CRHBP: variants seen among roughly 807,000 people sequenced by gnomAD.
CRHBP encodes the protein corticotropin releasing hormone binding protein.
In CRHBP, 19 loss-of-function variants were observed where a neutral mutation model predicts 34.9. The ratio of observed to expected loss-of-function variants is 0.55; its 90% CI spans 0.38 to 0.80. The LOEUF (loss-of-function observed/expected upper bound fraction) is 0.80, where lower values mean the gene tolerates loss of function less well. Ranked by LOEUF, CRHBP falls within the 30% of genes least tolerant of loss-of-function variation. The pLI is 0.00. For synonymous variants in CRHBP, 154 were observed against 153.4 expected (o/e 1.00, Z -0.03); for missense variants, 328 against 409.2 (o/e 0.80, Z 1.71).
chr5:76,972,431 C>T (rs1162382624), downstream of CRHBP, among the ~76,000 whole-genome samples: 1 of 151,708 alleles, frequency 6.6e-6, no homozygotes, highest in Non-Finnish European at 1.5e-5. Flanking sequence ...ACCCGGGAGG[C>T]GGAGATTGCA....
intron 3 of CRHBP, among the ~76,000 whole-genome samples, chr5:76,979,063 A>T (rs1746080375): frequency 6.6e-6 from 1 of 152,202 alleles, no homozygotes; most frequent in African/African-American, 2.4e-5. Context: ...CATCAACATC[A>T]AACACTCACC....
downstream of CRHBP, among the ~76,000 whole-genome samples, chr5:76,973,563 C>A (rs1412307889): frequency 6.6e-6 from 1 of 152,224 alleles, no homozygotes; most frequent in Non-Finnish European, 1.5e-5. Context: ...TCTTCTCACA[C>A]TGAATTGCCC....
chr5:76,954,111 C>A lies in CRHBP; in HGVS notation c.258C>A (p.Ile86=). The part of the protein sequence containing the change: ...RPQLHCAAFF[I]SEPEEFITIH... ...AGCTGCACTGCGCAGCCTTCTTCAT[C>A]AGCGAGCCCGAGGAGTTCATTACCA... Residue 86 remains isoleucine (I), a synonymous_variant, in exon 3 of 7, where the codon ATC becomes ATA. Coordinates refer to ENST00000274368, the MANE Select transcript of CRHBP (RefSeq NM_001882.4). 2.5e-6 allele frequency: 4 copies of A among 1,614,100 alleles called. No homozygotes were observed. The highest frequency in any genetic ancestry group is 1.1e-5 in the South Asian group (1 of 91,088).
intron 4 of CRHBP, among the ~76,000 whole-genome samples, chr5:76,958,131 C>T (rs1169662586): frequency 6.6e-6 from 1 of 151,370 alleles, no homozygotes; most frequent in Non-Finnish European, 1.5e-5. Context: ...TGCATTCTAG[C>T]CAGGGTGACA....
At position 76,954,044 on chromosome 5, in the gene CRHBP, T is replaced by G; in HGVS notation, c.191T>G (p.Leu64Arg). ...CCTCCCCCAGGGTGCCTGGACATGC[T>G]GAGCCTCCAGGGCCAGTTCACCTTC... ...YRRALRCLDM[L>R]SLQGQFTFTA... The change falls in exon 3 of 7, where the codon CTG becomes CGG. Residue 64 changes from leucine to arginine, a missense_variant. This residue lies in a region of CRHBP where 173 missense variants were observed against 172.2 expected (regional missense o/e 1.00). Transcript: ENST00000274368. 3.7e-6 allele frequency: 6 copies of G among 1,613,516 alleles called. No homozygotes were observed. Among genetic ancestry groups the G allele is most frequent in the Non-Finnish European group, 4.2e-6 (5 of 1,179,762 alleles).
In CRHBP at chr5:76,953,162, C is replaced by A. The variant is rs1445274767; in HGVS notation, c.28C>A (p.His10Asn). 3 of 1,614,238 alleles carry A rather than the reference C, an allele frequency of 1.9e-6. No homozygotes were observed. In the African/African-American group the frequency reaches 4.0e-5, roughly 22 times the overall value. The part of the protein sequence containing the change: MSPNFKLQC[H>N]FILIFLTALR... ...GTCGCCCAACTTCAAACTTCAGTGT[C>A]ACTTCATTCTCATCTTCCTGACGGC... Residue 10 changes from histidine to asparagine, a missense_variant, in exon 1 of 7, where the codon CAC becomes AAC. His to Asn is a moderately conservative substitution (Grantham distance 68). Around this residue, in one of 3 missense-constraint regions of CRHBP, gnomAD observed 11 missense variants for 20.3 expected, o/e 0.54. Transcript: ENST00000274368.
intron 6 of CRHBP, among the ~76,000 whole-genome samples, chr5:76,966,263 C>T (rs1010976437): frequency 5.3e-5 from 8 of 152,202 alleles, no homozygotes; most frequent in Non-Finnish European, 1.0e-4. Flanking sequence ...GGTGATCTGC[C>T]CACCTCGGCC....
chr5:76,977,320 C>T (rs564581110), intron 3 of CRHBP, among the ~76,000 whole-genome samples: 3 of 152,226 alleles, frequency 2.0e-5, no homozygotes, highest in African/African-American at 7.2e-5. Flanking sequence ...TTGGGCTGTG[C>T]GGATATTATG....
rs1745899828 is a variant in CRHBP at position 76,968,757 on chromosome 5, G to A, written c.841G>A (p.Val281Met). The change falls in exon 7 of 7, where the codon GTG becomes ATG. Residue 281 changes from valine to methionine, a missense_variant. Val to Met is a conservative substitution (Grantham distance 21, BLOSUM62 1). Coordinates refer to ENST00000274368, the MANE Select transcript of CRHBP (RefSeq NM_001882.4). ...GATGAAAGTTGGCTGTGACAACACTGTGGTGCGCATGGTCTCCAGTGGAAA... is the reference window on the plus strand; with the variant it reads ...GATGAAAGTTGGCTGTGACAACACTATGGTGCGCATGGTCTCCAGTGGAAA... ...AQMKVGCDNT[V>M]VRMVSSGKHV... 1 of 1,613,754 alleles carries A rather than the reference G, an allele frequency of 6.2e-7. No homozygotes were observed. The highest frequency in any genetic ancestry group is 1.3e-5 in the African/African-American group (1 of 74,928).
chr5:76,961,234 G>T (rs1004961295), intron 5 of CRHBP, among the ~76,000 whole-genome samples: 3 of 152,214 alleles, frequency 2.0e-5, no homozygotes, highest in African/African-American at 7.2e-5. Context: ...AAAGAAGGGA[G>T]AAAAATCATT....
chr5:76,953,821 C>G, intron 2 of CRHBP, 127 bp downstream of exon 2: 1 of 1,213,894 alleles, frequency 8.2e-7, no homozygotes, highest in Non-Finnish European at 1.1e-6. Context: ...GCGCGGTCCC[C>G]TTAGCTAAGG....
chr5:76,973,081 T>G (rs1745973104), downstream of CRHBP, among the ~76,000 whole-genome samples: 1 of 152,214 alleles, frequency 6.6e-6, no homozygotes, highest in Non-Finnish European at 1.5e-5. Flanking sequence ...GCCTATTGAC[T>G]ATGCATATCC....
intron 3 of CRHBP, among the ~76,000 whole-genome samples, chr5:76,977,862 G>A (rs1746063144): frequency 6.6e-6 from 1 of 152,172 alleles, no homozygotes; most frequent in South Asian, 2.1e-4. Context: ...GCCAAGTTGT[G>A]AACGCCAAGG....
At chr5:76,964,696 A>G (rs1274603608) in intron 6 of CRHBP, among the ~76,000 whole-genome samples, 1 of 152,146 alleles carries the variant, frequency 6.6e-6, no homozygotes, top group Admixed American at 6.5e-5. Flanking sequence ...TCTACTAAAA[A>G]TATAAAAAAA....
rs79980486 is a variant in CRHBP, at chr5:76,977,866, G to A, written n.467+1346G>A. On this transcript the variant is annotated intron_variant and non_coding_transcript_variant, in intron 3 of 3. Transcript: ENST00000514258. ...CCAAACAGTTAGCCAAGTTGTGAACGCCAAGGAAAAGTTACTGAAGGAAAT... is the reference window on the plus strand; with the variant it reads ...CCAAACAGTTAGCCAAGTTGTGAACACCAAGGAAAAGTTACTGAAGGAAAT... 9.2e-5 allele frequency among the ~76,000 whole-genome samples: 14 copies of A among 152,274 alleles called. No homozygotes were observed. The East Asian group carries it at 2.3e-3, about 25-fold the overall frequency.
intron 6 of CRHBP, among the ~76,000 whole-genome samples, chr5:76,968,037 C>T (rs575236843): frequency 5.9e-5 from 9 of 151,992 alleles, no homozygotes; most frequent in African/African-American, 2.2e-4. Flanking sequence ...TATCAGAAGC[C>T]ATTTCATATA....
intron 4 of CRHBP, among the ~76,000 whole-genome samples, chr5:76,958,233 G>T (rs1745721592): frequency 6.6e-6 from 1 of 151,854 alleles, no homozygotes; most frequent in African/African-American, 2.4e-5. Flanking sequence ...TGCATCCTAG[G>T]CCCCCAGTTT....
intron 2 of CRHBP, among the ~76,000 whole-genome samples, chr5:76,975,543 C>G (rs1030533952): frequency 6.6e-6 from 1 of 151,834 alleles, no homozygotes; most frequent in East Asian, 1.9e-4. Context: ...TGGCTCATAC[C>G]TGTAATCCCA....
At chr5:76,963,542 G>C (rs1745814059) in intron 6 of CRHBP, 82 bp downstream of exon 6, 7 of 1,278,986 alleles carry the variant, frequency 5.5e-6, no homozygotes, top group Non-Finnish European at 7.8e-6. Flanking sequence ...TTCTACATTG[G>C]AAGGTGAGTT....
Sources: gnomAD v4.1 joint callset for allele counts (sites outside exome capture counted in the v4.1 genomes callset) on GRCh38, gnomAD v4.1.1 for gene constraint, gnomAD v4.1.1 regional missense constraint, MANE v1.5 for transcripts, NCBI Gene and HGNC (gene_info 2026-07-23, HGNC 2026-07-21) for gene names.